XRCC5: variants seen among roughly 807,000 people sequenced by gnomAD.
XRCC5 encodes X-ray repair cross complementing 5.
A neutral mutation model predicts 95.7 loss-of-function variants in XRCC5; 12 were observed. The ratio of observed to expected loss-of-function variants is 0.13; its 90% CI spans 0.08 to 0.20. XRCC5 has a LOEUF of 0.20. Among genes scored for constraint, XRCC5 ranks in the 10% least tolerant of loss-of-function variants. The pLI is 1.00. For missense variants in XRCC5, 595 were observed against 873.9 expected (o/e 0.68, Z 4.02); for synonymous variants, 281 against 290.3 (o/e 0.97, Z 0.33).
At chr2:216,147,538 G>A (rs1688659466) in intron 13 of XRCC5, among the ~76,000 whole-genome samples, 2 of 152,160 alleles carry the variant, frequency 1.3e-5, no homozygotes, top group South Asian at 4.1e-4. Flanking sequence ...ATGGACTTGT[G>A]CTGAAAAGTG....
chr2:216,160,187 TC>T, intron 15 of XRCC5, 26 bp downstream of exon 15: 1 of 1,523,144 alleles, frequency 6.6e-7, no homozygotes, highest in Non-Finnish European at 8.9e-7. Flanking sequence ...CAAGTGCGCT[TC>T]CCCCTTTGCA....
intron 19 of XRCC5, 87 bp from the exon 20 acceptor site, chr2:216,204,235 T>G (rs1689899947): frequency 6.7e-7 from 1 of 1,499,604 alleles, no homozygotes; most frequent in Non-Finnish European, 9.3e-7. Flanking sequence ...TGCCTTAGGT[T>G]TTGCTGTGGC....
At chr2:216,120,473 T>C (rs1696783482) in intron 5 of XRCC5, among the ~76,000 whole-genome samples, 1 of 152,274 alleles carries the variant, frequency 6.6e-6, no homozygotes, top group Non-Finnish European at 1.5e-5. Context: ...CAAAGTAGAG[T>C]TCATAGTTTT....
At chr2:216,199,550 C>T (rs976213763) in intron 19 of XRCC5, among the ~76,000 whole-genome samples, 2 of 152,114 alleles carry the variant, frequency 1.3e-5, no homozygotes, top group African/African-American at 4.8e-5. Context: ...AGTTCTTCCA[C>T]TTTTTCTGTT....
rs969793475 is a variant in XRCC5 at position 216,206,012 on chromosome 2, C to T, written c.*810C>T. The stretch of plus-strand genomic sequence containing the variant: ...TGCAAGCCTCAAAGAGAGAAAGTTT[C>T]GTTATATTAAAACACTTAGGTAACT... On this transcript the variant is annotated 3_prime_UTR_variant, in exon 21 of 21. Coordinates refer to ENST00000392132, the MANE Select transcript of XRCC5 (RefSeq NM_021141.4). 6 of 152,180 alleles carry T rather than the reference C, an allele frequency of 3.9e-5. No homozygotes were observed. Among genetic ancestry groups the T allele is most frequent in the Non-Finnish European group, 7.4e-5 (5 of 68,022 alleles). The allele number at this position is 152,180 out of a possible 1,614,324, so 9.4% of individuals were successfully genotyped here. A position where few individuals can be genotyped will look rare whatever the true frequency, so the allele number is the denominator to read the frequency against.
At chr2:216,121,825 G>A (rs1246470054) in intron 5 of XRCC5, among the ~76,000 whole-genome samples, 2 of 152,158 alleles carry the variant, frequency 1.3e-5, no homozygotes, top group African/African-American at 2.4e-5. Flanking sequence ...AAGGCCTTGT[G>A]CCACCCTGCC....
At chr2:216,155,561 G>A (rs1052155096) in intron 14 of XRCC5, among the ~76,000 whole-genome samples, 1 of 152,168 alleles carries the variant, frequency 6.6e-6, no homozygotes, top group African/African-American at 2.4e-5. Flanking sequence ...GTTACAGTAG[G>A]ACATTAGAAG....
intron 14 of XRCC5, among the ~76,000 whole-genome samples, chr2:216,152,324 C>T (rs1462526982): frequency 1.3e-5 from 2 of 152,056 alleles, no homozygotes; most frequent in Non-Finnish European, 2.9e-5. Context: ...GCCTGTAATC[C>T]AGCCACTCGG....
intron 6 of XRCC5, among the ~76,000 whole-genome samples, chr2:216,123,689 C>T (rs1001504344): frequency 6.6e-6 from 1 of 152,126 alleles, no homozygotes; most frequent in Non-Finnish European, 1.5e-5. Flanking sequence ...GCCTGTAGTC[C>T]TAGCTACTTG....
intron 19 of XRCC5, among the ~76,000 whole-genome samples, chr2:216,195,888 T>C (rs998099133): frequency 2.6e-5 from 4 of 152,228 alleles, no homozygotes; most frequent in South Asian, 2.1e-4. Context: ...GCTTCTGCGA[T>C]ATGCTAGGCA....
intron 2 of XRCC5, among the ~76,000 whole-genome samples, chr2:216,115,323 A>C (rs1038513430): frequency 3.9e-5 from 6 of 152,162 alleles, no homozygotes; most frequent in African/African-American, 1.4e-4. Flanking sequence ...AAGAGTCAGA[A>C]TCAGGAAGTC....
At chr2:216,150,221 A>AAAT (rs1688717187) in intron 14 of XRCC5, among the ~76,000 whole-genome samples, 1 of 152,194 alleles carries the variant, frequency 6.6e-6, no homozygotes, top group African/African-American at 2.4e-5. Context: ...AGGAGTGGAC[A>AAAT]AATGTCTGTT....
chr2:216,135,496 A>G (rs926274056), intron 10 of XRCC5, among the ~76,000 whole-genome samples: 1 of 152,144 alleles, frequency 6.6e-6, no homozygotes, highest in African/African-American at 2.4e-5. Context: ...GAGACAGTAT[A>G]GAGGTAGAAT....
intron 16 of XRCC5, among the ~76,000 whole-genome samples, chr2:216,184,901 C>T (rs1689466600): frequency 6.6e-6 from 1 of 152,188 alleles, no homozygotes; most frequent in Admixed American, 6.5e-5. Flanking sequence ...TCTGTATGCC[C>T]TGCATCTGAG....
Position 216,113,039 on chromosome 2 carries a change from C to T in XRCC5, c.45C>T (p.Asp15=), listed in dbSNP as rs769816648. The change falls in exon 2 of 21, where the codon GAC becomes GAT. Residue 15 remains aspartate, a synonymous_variant. Transcript: ENST00000392132. The stretch of plus-strand genomic sequence containing the variant: ...AGGCAGCTGTTGTGCTGTGTATGGA[C>T]GTGGGCTTTACCATGAGTAACTCCA... ...GNKAAVVLCM[D]VGFTMSNSIP... 8.7e-5 allele frequency: 141 copies of T among 1,613,940 alleles called. No homozygotes were observed. The highest frequency in any genetic ancestry group is 1.6e-4 in the Middle Eastern group (1 of 6,084).
At chr2:216,146,638 A>T (rs529241355) in intron 13 of XRCC5, among the ~76,000 whole-genome samples, 4 of 152,348 alleles carry the variant, frequency 2.6e-5, no homozygotes, top group African/African-American at 9.6e-5. Context: ...AATGACATCT[A>T]ATCTTACTGC....
At chr2:216,139,126 A>G (rs1697134678) in intron 12 of XRCC5, among the ~76,000 whole-genome samples, 1 of 152,188 alleles carries the variant, frequency 6.6e-6, no homozygotes, top group South Asian at 2.1e-4. Context: ...TGATAATTCC[A>G]AAATTTAAAT....
intron 1 of XRCC5, among the ~76,000 whole-genome samples, chr2:216,110,142 C>A (rs149983598): frequency 2.4e-4 from 37 of 152,292 alleles, no homozygotes; most frequent in African/African-American, 8.9e-4. Flanking sequence ...GGATTTGAAT[C>A]CAAGCTGTCT....
At chr2:216,138,632 T>C (rs1284637634) in intron 12 of XRCC5, among the ~76,000 whole-genome samples, 1 of 152,238 alleles carries the variant, frequency 6.6e-6, no homozygotes, top group Non-Finnish European at 1.5e-5. Context: ...TCATTGTTAC[T>C]TATTTCTGGC....
Sources: gnomAD v4.1 joint callset for allele counts (sites outside exome capture counted in the v4.1 genomes callset) on GRCh38, gnomAD v4.1.1 for gene constraint, MANE v1.5 for transcripts, NCBI Gene and HGNC (gene_info 2026-07-23, HGNC 2026-07-21) for gene names.